SLC22A3: variants seen among roughly 807,000 people sequenced by gnomAD.
SLC22A3 encodes solute carrier family 22 member 3.
SLC22A3 carries 51 observed loss-of-function variants against 59.1 expected under a neutral mutation model. The observed-to-expected ratio is 0.86, with a 90% confidence interval of 0.69 to 1.09. The LOEUF (loss-of-function observed/expected upper bound fraction) is 1.09, where lower values mean the gene tolerates loss of function less well. Ranked by LOEUF, SLC22A3 falls within the 50% of genes least tolerant of loss-of-function variation. The pLI is 0.00. For missense variants in SLC22A3, 711 were observed against 726.3 expected, an observed-to-expected ratio of 0.98 and a Z score of 0.24; for synonymous variants, 325 against 292.0, an observed-to-expected ratio of 1.11 and a Z score of -1.15.
intron 5 of SLC22A3, among the ~76,000 whole-genome samples, chr6:160,420,788 C>T (rs1039430675): frequency 2.0e-5 from 3 of 152,224 alleles, no homozygotes; most frequent in Non-Finnish European, 2.9e-5. Flanking sequence ...TTGCAGGCGT[C>T]ACAAGTCCTC....
chr6:160,402,079 AAGAC>A (rs1358356853), intron 2 of SLC22A3, among the ~76,000 whole-genome samples: 2 of 152,000 alleles, frequency 1.3e-5, no homozygotes, highest in African/African-American at 2.4e-5. Context: ...AGCCAACTAA[AAGAC>A]AGAGATTTTC....
intron 1 of SLC22A3, among the ~76,000 whole-genome samples, chr6:160,352,625 A>G (rs995869356): frequency 6.6e-6 from 1 of 152,186 alleles, no homozygotes; most frequent in East Asian, 1.9e-4. Context: ...TTGACTTGGA[A>G]TCACTTTTTC....
chr6:160,381,838 A>G (rs1220640535), intron 1 of SLC22A3, among the ~76,000 whole-genome samples: 1 of 152,224 alleles, frequency 6.6e-6, no homozygotes, highest in African/African-American at 2.4e-5. Flanking sequence ...AGATTCCAGC[A>G]TCACATGTGG....
intron 1 of SLC22A3, among the ~76,000 whole-genome samples, chr6:160,350,420 A>G (rs1485753715): frequency 6.6e-6 from 1 of 152,130 alleles, no homozygotes; most frequent in Non-Finnish European, 1.5e-5. Flanking sequence ...ACTGCTTTAT[A>G]ATTGGTGATG....
At chr6:160,398,285 T>C (rs1202711083) in intron 2 of SLC22A3, among the ~76,000 whole-genome samples, 1 of 152,212 alleles carries the variant, frequency 6.6e-6, no homozygotes, top group Non-Finnish European at 1.5e-5. Flanking sequence ...TCCTTGAACT[T>C]CACAAAGGTC....
intron 5 of SLC22A3, among the ~76,000 whole-genome samples, chr6:160,418,856 T>C (rs1416955485): frequency 1.3e-5 from 2 of 152,234 alleles, no homozygotes; most frequent in East Asian, 3.9e-4. Flanking sequence ...TGATATTTTA[T>C]CCTATACTGG....
chr6:160,424,160 G>C (rs1442949333), intron 5 of SLC22A3, among the ~76,000 whole-genome samples: 1 of 152,072 alleles, frequency 6.6e-6, no homozygotes, highest in Non-Finnish European at 1.5e-5. Flanking sequence ...AAAAGAATCT[G>C]TCCCAGTGGG....
chr6:160,450,837 C>CA (rs966839912), intron 10 of SLC22A3, among the ~76,000 whole-genome samples, 159 bp from the exon 11 acceptor site: 12 of 152,228 alleles, frequency 7.9e-5, no homozygotes, highest in Non-Finnish European at 1.0e-4. Flanking sequence ...TGAACACAGA[C>CA]AAAAAATGAT....
At chr6:160,366,841 G>A (rs1169271797) in intron 1 of SLC22A3, among the ~76,000 whole-genome samples, 1 of 152,130 alleles carries the variant, frequency 6.6e-6, no homozygotes, top group East Asian at 1.9e-4. Context: ...TCCACTATCA[G>A]CATTTTGGTC....
chr6:160,363,250 G>A (rs1785084473), intron 1 of SLC22A3, among the ~76,000 whole-genome samples: 1 of 152,222 alleles, frequency 6.6e-6, no homozygotes, highest in Non-Finnish European at 1.5e-5. Context: ...CCTGGAAGCG[G>A]AGCAGAGGTC....
chr6:160,410,762 T>C lies in SLC22A3; in HGVS notation c.891T>C (p.Thr297=), dbSNP rs761649428. 1 of 1,613,326 alleles carries C rather than the reference T, an allele frequency of 6.2e-7. No homozygotes were observed. Among genetic ancestry groups the C allele is most frequent in the Non-Finnish European group, 8.5e-7 (1 of 1,179,526 alleles). The change falls in exon 5 of 11, where the codon ACT becomes ACC. Residue 297 remains threonine (T), a synonymous_variant. Transcript: ENST00000275300. ...CTGAGTCTCCCCGTTGGCTGATTAC[T>C]CGGAAGAAAGGAGATAAAGCATTAC... ...VVPESPRWLI[T]RKKGDKALQI...
chr6:160,395,130 G>T, intron 1 of SLC22A3, among the ~76,000 whole-genome samples: 1 of 152,160 alleles, frequency 6.6e-6, no homozygotes, highest in East Asian at 1.9e-4. Context: ...TTTAACCATT[G>T]AAGTATTTAT....
intron 7 of SLC22A3, among the ~76,000 whole-genome samples, chr6:160,440,474 T>G (rs1163111860): frequency 1.3e-5 from 2 of 152,196 alleles, no homozygotes; most frequent in Non-Finnish European, 2.9e-5. Flanking sequence ...TTCCCAATCA[T>G]CTCTAGTAGC....
chr6:160,387,472 G>A (rs1334792166), intron 1 of SLC22A3, among the ~76,000 whole-genome samples: 1 of 152,204 alleles, frequency 6.6e-6, no homozygotes, highest in East Asian at 1.9e-4. Flanking sequence ...AATACATGTA[G>A]ACCCAATCTC....
chr6:160,406,556 C>G (rs1260464150), intron 2 of SLC22A3, among the ~76,000 whole-genome samples: 2 of 152,196 alleles, frequency 1.3e-5, no homozygotes, highest in Admixed American at 6.5e-5. Context: ...TCTCTACAAC[C>G]TCCCTCTAGA....
chr6:160,451,211 A>T lies in SLC22A3; in HGVS notation c.*155A>T. 1 of 683,312 alleles carries T rather than the reference A, an allele frequency of 1.5e-6. No individual in the cohort carries two copies. The highest frequency in any genetic ancestry group is 2.6e-6 in the Non-Finnish European group (1 of 389,782). 42.3% of individuals were successfully genotyped at this position (683,312 alleles called of 1,614,324 possible). ...CTCAATCTATCCAGAGTATTTTTATATAATGTTGGATGAGTTAGGATTTGT... is the reference window on the plus strand; with the variant it reads ...CTCAATCTATCCAGAGTATTTTTATTTAATGTTGGATGAGTTAGGATTTGT... On this transcript the variant is annotated 3_prime_UTR_variant, in exon 11 of 11. Transcript: ENST00000275300.
chr6:160,390,581 T>C (rs1198117852), intron 1 of SLC22A3, among the ~76,000 whole-genome samples: 1 of 151,958 alleles, frequency 6.6e-6, no homozygotes, highest in African/African-American at 2.4e-5. Context: ...GAAAAAGATG[T>C]ACACTCTCTC....
chr6:160,360,382 C>T (rs1233968682), intron 1 of SLC22A3, among the ~76,000 whole-genome samples: 1 of 152,116 alleles, frequency 6.6e-6, no homozygotes, highest in Non-Finnish European at 1.5e-5. Flanking sequence ...CACTTGAACC[C>T]AGGAGGTGGA....
At chr6:160,397,829 G>A in intron 1 of SLC22A3, 150 bp from the exon 2 acceptor site, 1 of 644,540 alleles carries the variant, frequency 1.6e-6, no homozygotes, top group South Asian at 1.5e-5. Context: ...ATGTGTTAAT[G>A]TAAACATACG....
Sources: allele counts gnomAD v4.1 joint callset (sites outside exome capture counted in the v4.1 genomes callset), GRCh38; gene constraint gnomAD v4.1.1; transcripts MANE v1.5; gene names NCBI Gene and HGNC (gene_info 2026-07-23, HGNC 2026-07-21).